CCDC178: variants seen among roughly 807,000 people sequenced by gnomAD.
CCDC178 encodes the protein coiled-coil domain-containing protein 178.
CCDC178 carries 126 observed loss-of-function variants against 117.4 expected under a neutral mutation model. The observed-to-expected ratio is 1.07, with a 90% CI of 0.93 to 1.24. The LOEUF is 1.24. Among genes scored for constraint, CCDC178 ranks in the 50% most tolerant of loss-of-function variants. The pLI is 0.00. For missense variants in CCDC178, 1,030 were observed against 986.9 expected (o/e 1.04, Z -0.59); for synonymous variants, 283 against 313.4 (o/e 0.90, Z 1.02).
At chr18:33,298,699 T>C (rs1251074473) in intron 11 of CCDC178, among the ~76,000 whole-genome samples, 2 of 152,186 alleles carry the variant, frequency 1.3e-5, no homozygotes, top group African/African-American at 4.8e-5. Context: ...TAATTGTCCG[T>C]CTTTGTAGAT....
intron 5 of CCDC178, among the ~76,000 whole-genome samples, chr18:33,371,150 T>A (rs1187947901): frequency 6.6e-6 from 1 of 152,070 alleles, no homozygotes; most frequent in African/African-American, 2.4e-5. Context: ...ATCTTTTAAA[T>A]ATCTTTTAAA....
intron 20 of CCDC178, among the ~76,000 whole-genome samples, chr18:33,118,770 A>C (rs1682480380): frequency 6.6e-6 from 1 of 152,210 alleles, no homozygotes; most frequent in Non-Finnish European, 1.5e-5. Context: ...TGAAGGCATC[A>C]TGCTACCTGA....
At chr18:33,015,428 G>C (rs1435130294) in intron 21 of CCDC178, among the ~76,000 whole-genome samples, 2 of 151,468 alleles carry the variant, frequency 1.3e-5, no homozygotes, top group Admixed American at 6.6e-5. Context: ...AGCCGGGCGT[G>C]GTGGCAGATG....
At chr18:32,943,058 G>T (rs2054274749) in intron 22 of CCDC178, among the ~76,000 whole-genome samples, 1 of 152,140 alleles carries the variant, frequency 6.6e-6, no homozygotes, top group South Asian at 2.1e-4. Context: ...GCAGGCCTTT[G>T]TGCTGAAGTT....
intron 22 of CCDC178, among the ~76,000 whole-genome samples, chr18:32,960,562 G>T (rs2054686005): frequency 6.6e-6 from 1 of 152,074 alleles, no homozygotes. Flanking sequence ...GCTAGTCTAG[G>T]TTCTATACGC....
At chr18:33,046,446 A>G in intron 21 of CCDC178, among the ~76,000 whole-genome samples, 1 of 152,104 alleles carries the variant, frequency 6.6e-6, no homozygotes, top group East Asian at 1.9e-4. Context: ...CTTCTCATAT[A>G]CTACTGTTTT....
At chr18:33,252,460 T>A (rs564669295) in intron 14 of CCDC178, among the ~76,000 whole-genome samples, 2 of 151,950 alleles carry the variant, frequency 1.3e-5, no homozygotes, top group East Asian at 3.9e-4. Flanking sequence ...TACTTTTATC[T>A]TTTAATGTCT....
intron 6 of CCDC178, among the ~76,000 whole-genome samples, chr18:33,363,959 T>C (rs530667338): frequency 6.6e-5 from 10 of 152,204 alleles, no homozygotes; most frequent in African/African-American, 1.7e-4. Context: ...AACAGTGGGA[T>C]TGACTATGTG....
intron 2 of CCDC178, among the ~76,000 whole-genome samples, chr18:33,424,147 A>G (rs1447120070): frequency 6.6e-6 from 1 of 152,186 alleles, no homozygotes; most frequent in Non-Finnish European, 1.5e-5. Flanking sequence ...TATAAAGATC[A>G]TATTCACCTG....
chr18:32,995,949 G>A (rs866860547), intron 21 of CCDC178, among the ~76,000 whole-genome samples: 2 of 63,946 alleles, frequency 3.1e-5, no homozygotes, highest in Admixed American at 1.8e-4. Flanking sequence ...CTATATCTAT[G>A]TCTCTCTCTA....
chr18:33,017,424 T>G (rs2056015432), intron 21 of CCDC178, among the ~76,000 whole-genome samples: 1 of 151,894 alleles, frequency 6.6e-6, no homozygotes, highest in African/African-American at 2.4e-5. Flanking sequence ...ATGAATACTG[T>G]TGAAACTAAT....
chr18:33,082,752 C>T (rs1408942354), intron 21 of CCDC178, among the ~76,000 whole-genome samples: 2 of 151,466 alleles, frequency 1.3e-5, no homozygotes, highest in South Asian at 2.1e-4. Context: ...AAATAAAATA[C>T]GTATTCTAAA....
At chr18:33,315,920 T>A (rs1201255665) in intron 11 of CCDC178, among the ~76,000 whole-genome samples, 1 of 152,244 alleles carries the variant, frequency 6.6e-6, no homozygotes, top group East Asian at 1.9e-4. Flanking sequence ...AGAAAATTAA[T>A]CCTTCATCAC....
At chr18:33,143,447 T>G (rs999667339) in intron 20 of CCDC178, among the ~76,000 whole-genome samples, 1 of 152,200 alleles carries the variant, frequency 6.6e-6, no homozygotes, top group Non-Finnish European at 1.5e-5. Flanking sequence ...ATGTAGCCCC[T>G]GAATATCCTC....
chr18:33,266,649 G>A (rs1449902043), intron 14 of CCDC178, among the ~76,000 whole-genome samples: 8 of 145,676 alleles, frequency 5.5e-5, no homozygotes, highest in African/African-American at 1.5e-4. Context: ...TGTGGGGTAG[G>A]GGGAGGGGGG....
chr18:33,222,849 C>T (rs1452855584), intron 18 of CCDC178, among the ~76,000 whole-genome samples: 1 of 151,920 alleles, frequency 6.6e-6, no homozygotes, highest in East Asian at 1.9e-4. Context: ...AATCCAATAT[C>T]TAATTTTCCT....
intron 10 of CCDC178, among the ~76,000 whole-genome samples, chr18:33,327,460 G>C (rs1363018146): frequency 6.6e-6 from 1 of 151,996 alleles, no homozygotes; most frequent in Non-Finnish European, 1.5e-5. Flanking sequence ...GTTTCTTTTA[G>C]ATGTATACCT....
intron 21 of CCDC178, among the ~76,000 whole-genome samples, chr18:33,075,614 T>A (rs1266917659): frequency 6.6e-6 from 1 of 152,182 alleles, no homozygotes; most frequent in Non-Finnish European, 1.5e-5. Flanking sequence ...TCTGTTCCCA[T>A]CAGATAAGAA....
intron 22 of CCDC178, among the ~76,000 whole-genome samples, chr18:32,960,611 G>A (rs558740465): frequency 3.2e-4 from 48 of 152,160 alleles, no homozygotes; most frequent in African/African-American, 1.1e-3. Flanking sequence ...AATAAAGATA[G>A]TCCCTAAATT....
Sources: allele counts gnomAD v4.1 joint callset (sites outside exome capture counted in the v4.1 genomes callset), GRCh38; gene constraint gnomAD v4.1.1; transcripts MANE v1.5; gene names NCBI Gene and HGNC (gene_info 2026-07-23, HGNC 2026-07-21).